The following MESD variants were observed in gnomAD, a reference collection of about 807,000 sequenced individuals.
MESD encodes the protein LRP chaperone MESD.
Under a neutral mutation model 12.9 loss-of-function variants are expected in MESD, and 7 were observed. The observed-to-expected ratio is 0.54, with a 90% CI of 0.31 to 1.02. MESD has a LOEUF of 1.02. Ranked by LOEUF, MESD falls within the 50% of genes least tolerant of loss-of-function variation. The probability of loss-of-function intolerance (pLI) is 0.05; values close to 1 mark genes in which losing one functional copy is unlikely to be tolerated. For synonymous variants in MESD, 126 were observed against 115.6 expected, an observed-to-expected ratio of 1.09 and a Z score of -0.58; for missense variants, 342 against 296.7, an observed-to-expected ratio of 1.15 and a Z score of -1.12.
At chr15:80,955,252 G>A (rs1901944553) in intron 3 of MESD, among the ~76,000 whole-genome samples, 1 of 151,060 alleles carries the variant, frequency 6.6e-6, no homozygotes, top group South Asian at 2.1e-4. Flanking sequence ...TTGGGAGGCC[G>A]AGGCGGGCGG....
intron 2 of MESD, among the ~76,000 whole-genome samples, chr15:80,981,725 G>C (rs1444826205): frequency 6.6e-6 from 1 of 151,840 alleles, no homozygotes; most frequent in African/African-American, 2.4e-5. Context: ...CATGGTGGCG[G>C]GCGCCTGTAG....
intron 3 of MESD, among the ~76,000 whole-genome samples, chr15:80,969,804 G>A (rs538676938): frequency 5.9e-5 from 9 of 152,172 alleles, no homozygotes; most frequent in South Asian, 2.1e-4. Flanking sequence ...GCAGTGAGCC[G>A]AGATGGCGCC....
At chr15:80,979,836 T>C (rs1902526760) in intron 2 of MESD, among the ~76,000 whole-genome samples, 1 of 152,202 alleles carries the variant, frequency 6.6e-6, no homozygotes, top group African/African-American at 2.4e-5. Context: ...TCTGTATCTG[T>C]TTTATATTCT....
intron 3 of MESD, among the ~76,000 whole-genome samples, chr15:80,958,056 C>A (rs1023517477): frequency 2.0e-5 from 3 of 152,126 alleles, no homozygotes; most frequent in Non-Finnish European, 2.9e-5. Flanking sequence ...TGCCTCTTTT[C>A]TTCTTGATTT....
downstream of MESD, among the ~76,000 whole-genome samples, chr15:80,972,370 T>A (rs573801024): frequency 6.6e-6 from 1 of 152,326 alleles, no homozygotes; most frequent in Admixed American, 6.5e-5. Flanking sequence ...TATCAAATCA[T>A]CCAGTCTCTG....
chr15:80,952,019 A>T (rs1901849990), exon 4 of MESD: 1 of 353,526 alleles, frequency 2.8e-6, no homozygotes. Context: ...AAAGAAAGAG[A>T]AGATATCATT....
chr15:80,985,584 T>G (rs568235264), intron 1 of MESD, among the ~76,000 whole-genome samples: 17 of 151,948 alleles, frequency 1.1e-4, no homozygotes, highest in South Asian at 4.2e-4. Context: ...ATATTTGTAT[T>G]TTTCAGATTG....
chr15:80,983,274 C>G (rs1596237637), intron 1 of MESD, among the ~76,000 whole-genome samples: 1 of 151,918 alleles, frequency 6.6e-6, no homozygotes, highest in African/African-American at 2.4e-5. Flanking sequence ...AAGAAATACT[C>G]CCTCTTTGCA....
At chr15:80,946,836 C>A, downstream of MESD, 1 of 716,612 alleles carries the variant, frequency 1.4e-6, no homozygotes, top group Non-Finnish European at 2.6e-6. Context: ...TGCCCTTTCC[C>A]GAATCCCTGG....
intron 3 of MESD, among the ~76,000 whole-genome samples, chr15:80,954,834 A>C (rs1901933257): frequency 6.6e-6 from 1 of 152,186 alleles, no homozygotes; most frequent in South Asian, 2.1e-4. Flanking sequence ...AAATATTATG[A>C]GTTTTTTTGC....
At position 80,980,967 on chromosome 15, in the gene MESD, GC is replaced by G. The variant is rs1278059459; in HGVS notation, c.446+982del. Among the ~76,000 whole-genome samples the G allele has an allele frequency of 3.9e-5, 6 of 151,988 alleles. No individual in the cohort carries two copies. In the East Asian group the frequency reaches 1.2e-3, roughly 30 times the overall value. On this transcript the variant is annotated intron_variant, in intron 2 of 2. Transcript: ENST00000261758. The stretch of plus-strand genomic sequence containing the variant: ...GCCTCTGGAGTAGCTGGGATTACAG[GC>G]GTGCATCACCATGCCCCGCTAATTT...
intron 3 of MESD, among the ~76,000 whole-genome samples, chr15:80,954,772 C>A (rs1389556467): frequency 6.6e-6 from 1 of 152,266 alleles, no homozygotes; most frequent in East Asian, 1.9e-4. Context: ...GGGCTACATG[C>A]AGCCCTGGAT....
At chr15:80,955,501 A>AAAAAAAAAAC (rs1184316440) in intron 3 of MESD, among the ~76,000 whole-genome samples, 1 of 148,742 alleles carries the variant, frequency 6.7e-6, no homozygotes, top group African/African-American at 2.6e-5. Flanking sequence ...AAAAAAAAAA[A>AAAAAAAAAAC]AAAAGAAATG....
downstream of MESD, among the ~76,000 whole-genome samples, chr15:80,975,563 A>T (rs1902388225): frequency 2.0e-5 from 3 of 152,070 alleles, 1 homozygote; most frequent in South Asian, 6.2e-4. Flanking sequence ...ACACAGGAAA[A>T]AGTTTGTGAG....
At chr15:80,983,894 C>CTTTTTTTTTTTT (rs10570822) in intron 1 of MESD, among the ~76,000 whole-genome samples, 1 of 88,466 alleles carries the variant, frequency 1.1e-5, no homozygotes, top group African/African-American at 4.1e-5. Context: ...AAAACAGTAA[C>CTTTTTTTTTTTT]TTTTTTTTTT....
At chr15:80,951,357 T>C (rs1031279706) in intron 4 of MESD, 1 of 152,636 alleles carries the variant, frequency 6.6e-6, no homozygotes, top group Non-Finnish European at 1.5e-5. Flanking sequence ...AGAGCCAATA[T>C]CTAGGCATTT....
intron 3 of MESD, among the ~76,000 whole-genome samples, chr15:80,954,996 C>T (rs867734695): frequency 2.6e-5 from 4 of 152,164 alleles, no homozygotes; most frequent in Non-Finnish European, 4.4e-5. Context: ...GGGCCAATGG[C>T]ATCAGCATCA....
intron 3 of MESD, among the ~76,000 whole-genome samples, chr15:80,961,946 A>G (rs1902094231): frequency 6.6e-6 from 1 of 152,224 alleles, no homozygotes; most frequent in Non-Finnish European, 1.5e-5. Context: ...CGGGCGAAAT[A>G]ACCAGCTAGC....
chr15:80,988,010 T>C (rs1046948646), intron 1 of MESD, among the ~76,000 whole-genome samples: 4 of 152,226 alleles, frequency 2.6e-5, no homozygotes, highest in African/African-American at 4.8e-5. Flanking sequence ...GTTAAAAGTA[T>C]AAAAATCTCA....
Sources: allele counts gnomAD v4.1 joint callset (sites outside exome capture counted in the v4.1 genomes callset), GRCh38; gene constraint gnomAD v4.1.1; transcripts MANE v1.5; gene names NCBI Gene and HGNC (gene_info 2026-07-23, HGNC 2026-07-21).